The following ASIP variants were observed in gnomAD, a reference collection of about 807,000 sequenced individuals.
ASIP encodes the protein agouti signaling protein, also known as agouti-signaling protein.
A neutral mutation model predicts 10.3 loss-of-function variants in ASIP; 11 were observed. The observed-to-expected ratio is 1.07, with a 90% CI of 0.68 to 1.78. The LOEUF (loss-of-function observed/expected upper bound fraction) is 1.78. ASIP is among the 40% of genes most tolerant of loss of function. The pLI, the probability that ASIP is intolerant of heterozygous loss-of-function variation, is 0.00. For missense variants in ASIP, 180 were observed against 169.2 expected, an observed-to-expected ratio of 1.06 and a Z score of -0.35; for synonymous variants, 70 against 70.8, an observed-to-expected ratio of 0.99 and a Z score of 0.06.
At chr20:34,204,207 A>C (rs1307511418) in intron 1 of ASIP, among the ~76,000 whole-genome samples, 1 of 151,430 alleles carries the variant, frequency 6.6e-6, no homozygotes, top group African/African-American at 2.4e-5. Context: ...TTTCTTTCAG[A>C]TAGTTATTTT....
At chr20:34,256,443 G>A (rs1432208630) in intron 1 of ASIP, among the ~76,000 whole-genome samples, 1 of 152,164 alleles carries the variant, frequency 6.6e-6, no homozygotes, top group Non-Finnish European at 1.5e-5. Context: ...ACCCAGTAGG[G>A]CTGGACCCGA....
At chr20:34,238,110 C>T (rs747913516), upstream of ASIP, among the ~76,000 whole-genome samples, 5 of 152,072 alleles carry the variant, frequency 3.3e-5, no homozygotes, top group Admixed American at 6.6e-5. Flanking sequence ...TTGATTATAC[C>T]GTATCTTTGT....
intron 1 of ASIP, among the ~76,000 whole-genome samples, chr20:34,202,547 T>TC (rs577843725): frequency 2.0e-4 from 31 of 152,334 alleles, no homozygotes; most frequent in African/African-American, 7.0e-4. Context: ...CCCTTTTTTT[T>TC]CTGTATGGAT....
intron 1 of ASIP, among the ~76,000 whole-genome samples, chr20:34,195,345 C>G (rs2034848594): frequency 6.6e-6 from 1 of 152,148 alleles, no homozygotes; most frequent in African/African-American, 2.4e-5. Flanking sequence ...CCCAACTGAG[C>G]TGAGCCCTGA....
intron 1 of ASIP, among the ~76,000 whole-genome samples, chr20:34,227,651 T>C (rs886637991): frequency 6.7e-6 from 1 of 148,920 alleles, no homozygotes; most frequent in Admixed American, 6.7e-5. Context: ...AAAAAAGAGA[T>C]ATACCATATT....
Position 34,233,863 on chromosome 20 carries a change from T to C in ASIP, c.-10-26502T>C, listed in dbSNP as rs562324781. 4.6e-5 allele frequency among the ~76,000 whole-genome samples: 7 copies of C among 152,280 alleles called. No individual in the cohort carries two copies. In the South Asian group the frequency reaches 1.5e-3, roughly 32 times the overall value. The stretch of plus-strand genomic sequence containing the variant: ...CAACAGGAATGAGATACCAGTGGAA[T>C]AGCTTGGAAGAGGTCAAAGGTCTGA... On this transcript the variant is annotated intron_variant, in intron 1 of 3. Transcript: ENST00000568305.
intron 1 of ASIP, among the ~76,000 whole-genome samples, chr20:34,233,511 G>A (rs2035139576): frequency 6.6e-6 from 1 of 152,150 alleles, no homozygotes; most frequent in Admixed American, 6.5e-5. Flanking sequence ...ACTACATACT[G>A]TAGGATGGTT....
chr20:34,258,079 G>A (rs2122651223), intron 1 of ASIP, among the ~76,000 whole-genome samples: 1 of 152,098 alleles, frequency 6.6e-6, no homozygotes, highest in Admixed American at 6.6e-5. Context: ...GGGAGGCAGA[G>A]GTTGCAGTAA....
chr20:34,201,045 TTTC>T (rs1568744535), intron 1 of ASIP, among the ~76,000 whole-genome samples: 1 of 122,206 alleles, frequency 8.2e-6, no homozygotes, highest in African/African-American at 3.2e-5. Flanking sequence ...TCTTTCTTTC[TTTC>T]TTTCTTTCTT....
At chr20:34,199,264 A>G (rs2034877910) in intron 1 of ASIP, among the ~76,000 whole-genome samples, 1 of 152,062 alleles carries the variant, frequency 6.6e-6, no homozygotes, top group Non-Finnish European at 1.5e-5. Flanking sequence ...GTTGGGGGCT[A>G]TTACTGAACA....
intron 1 of ASIP, among the ~76,000 whole-genome samples, chr20:34,257,076 T>TC (rs1555826624): frequency 1.3e-5 from 2 of 151,110 alleles, no homozygotes; most frequent in Non-Finnish European, 2.9e-5. Context: ...TTCTCTTTTT[T>TC]TTTTTTGTTT....
At chr20:34,200,824 G>A (rs1245673407) in intron 1 of ASIP, among the ~76,000 whole-genome samples, 1 of 152,000 alleles carries the variant, frequency 6.6e-6, no homozygotes, top group African/African-American at 2.4e-5. Context: ...TGTTCAGTGT[G>A]GCTTTAATTT....
intron 1 of ASIP, among the ~76,000 whole-genome samples, chr20:34,243,696 G>A (rs2035319181): frequency 6.7e-6 from 1 of 149,714 alleles, no homozygotes; most frequent in African/African-American, 2.5e-5. Context: ...CACAGTTAAT[G>A]CAGAATTTCA....
chr20:34,214,161 T>G, intron 1 of ASIP: 1 of 1,203,396 alleles, frequency 8.3e-7, no homozygotes. Flanking sequence ...TTGTATTCTA[T>G]TCAAAATATC....
chr20:34,257,094 T>G (rs2035585873), intron 1 of ASIP, among the ~76,000 whole-genome samples: 2 of 151,836 alleles, frequency 1.3e-5, no homozygotes, highest in African/African-American at 4.8e-5. Context: ...TTTTTTGTTT[T>G]TTGTTTTTTG....
the ASIP span, among the ~76,000 whole-genome samples, chr20:34,188,927 A>G: frequency 6.6e-6 from 1 of 152,310 alleles, no homozygotes; most frequent in Admixed American, 6.5e-5. Flanking sequence ...AATAAGAACC[A>G]TACTTCTCCC....
intron 1 of ASIP, among the ~76,000 whole-genome samples, chr20:34,233,847 T>A (rs2035143711): frequency 6.6e-6 from 1 of 152,040 alleles, no homozygotes; most frequent in African/African-American, 2.4e-5. Flanking sequence ...TCAACAGGAA[T>A]GAGATACCAG....
intron 1 of ASIP, among the ~76,000 whole-genome samples, chr20:34,217,777 T>C (rs1231699418): frequency 6.6e-6 from 1 of 152,170 alleles, no homozygotes; most frequent in Non-Finnish European, 1.5e-5. Context: ...TTAGCCAGGA[T>C]GGTCTCAATC....
chr20:34,195,949 T>C (rs1209698798), intron 1 of ASIP, among the ~76,000 whole-genome samples: 1 of 152,130 alleles, frequency 6.6e-6, no homozygotes. Context: ...GGCCTGTTTC[T>C]GCTTCTTTGA....
Sources: allele counts gnomAD v4.1 joint callset (sites outside exome capture counted in the v4.1 genomes callset), GRCh38; gene constraint gnomAD v4.1.1; transcripts MANE v1.5; gene names NCBI Gene and HGNC (gene_info 2026-07-23, HGNC 2026-07-21).